The following SFMBT2 variants were observed in gnomAD, a reference collection of about 807,000 sequenced individuals.
SFMBT2 encodes Scm like with four mbt domains 2, also known as scm-like with four MBT domains protein 2.
Under a neutral mutation model 110.1 loss-of-function variants are expected in SFMBT2, and 38 were observed. The ratio of observed to expected loss-of-function variants is 0.35; its 90% CI spans 0.27 to 0.45. The LOEUF is 0.45. Ranked by LOEUF, SFMBT2 falls within the 20% of genes least tolerant of loss-of-function variation. SFMBT2 has a pLI of 1.00. For missense variants in SFMBT2, 1,011 were observed against 1,094.9 expected (o/e 0.92, Z 1.08); for synonymous variants, 425 against 425.4 (o/e 1.00, Z 0.01).
rs139234811 is a variant in SFMBT2 at position 7,335,270 on chromosome 10, A to C, written c.436+32379T>G. On this transcript the variant is annotated intron_variant, in intron 4 of 20. Transcript: ENST00000397167. The stretch of plus-strand genomic sequence containing the variant: ...TAATGCCACCAAACTGTACAGTTAA[A>C]ACTGGTCCACATTGCAAATTGTATG... Among the ~76,000 whole-genome samples the C allele has an allele frequency of 3.5e-3, 537 of 152,332 alleles. 5 individuals are homozygous for C. The highest frequency in any genetic ancestry group is 0.012 in the African/African-American group (516 of 41,574).
rs1279466659 is a variant in SFMBT2, at chr10:7,161,171, C to T, written c.*2599G>A. The T allele has an allele frequency of 6.6e-6, 1 of 152,244 alleles. No individual in the cohort carries two copies. Among genetic ancestry groups the T allele is most frequent in the Non-Finnish European group, 1.5e-5 (1 of 68,066 alleles). The allele number at this position is 152,244 out of a possible 1,614,324, so 9.4% of individuals were successfully genotyped here. On this transcript the variant is annotated 3_prime_UTR_variant, in exon 21 of 21. Coordinates refer to ENST00000397167, the MANE Select transcript of SFMBT2 (RefSeq NM_001387889.1). Reference sequence around the variant, plus strand: ...CCCTGCGACAGTGGCTGTATCCTTCCTGAGCTCCTGGCGGGCCACACACTC... The same window carrying T: ...CCCTGCGACAGTGGCTGTATCCTTCTTGAGCTCCTGGCGGGCCACACACTC...
At chr10:7,363,497 C>G (rs1013302971) in intron 4 of SFMBT2, among the ~76,000 whole-genome samples, 1 of 152,012 alleles carries the variant, frequency 6.6e-6, no homozygotes, top group Admixed American at 6.6e-5. Context: ...TACAGGCATG[C>G]GCCACCACGC....
intron 15 of SFMBT2, among the ~76,000 whole-genome samples, chr10:7,195,585 C>A (rs1367976474): frequency 1.3e-5 from 2 of 152,198 alleles, no homozygotes; most frequent in African/African-American, 2.4e-5. Context: ...AACAAGGGCC[C>A]TTTCTGGGTC....
At chr10:7,290,473 TAC>T (rs1323133244) in intron 4 of SFMBT2, among the ~76,000 whole-genome samples, 1 of 152,118 alleles carries the variant, frequency 6.6e-6, no homozygotes, top group Non-Finnish European at 1.5e-5. Context: ...GAGTTTGAGT[TAC>T]ACACACATAT....
At chr10:7,307,915 A>G (rs1391467390) in intron 4 of SFMBT2, among the ~76,000 whole-genome samples, 5 of 152,274 alleles carry the variant, frequency 3.3e-5, no homozygotes, top group Admixed American at 2.0e-4. Context: ...CTGCTATAAT[A>G]TCACATATCT....
intron 1 of SFMBT2, among the ~76,000 whole-genome samples, chr10:7,410,328 C>G (rs896226357): frequency 6.6e-6 from 1 of 152,272 alleles, no homozygotes; most frequent in Non-Finnish European, 1.5e-5. Context: ...GTCTCCGATT[C>G]CCCGTCCTCA....
chr10:7,171,068 G>A lies in SFMBT2; in HGVS notation c.2416-12C>T, dbSNP rs760958777. 10 of 1,613,970 alleles carry A rather than the reference G, an allele frequency of 6.2e-6. No homozygotes were observed. In the Admixed American group the frequency reaches 6.7e-5, roughly 11 times the overall value. On this transcript the variant is annotated splice_polypyrimidine_tract_variant and intron_variant, in intron 19 of 20. Transcript: ENST00000397167. This position sits in a 1 kb window ranked among gnomAD's most constrained non-coding sequence, Gnocchi z 4.9. ...TCCTGTTTCGTGTCCTGCAGAGAAAGGGCAGGAGGAGCTCAGCTGCGGCAC... is the reference window on the plus strand; with the variant it reads ...TCCTGTTTCGTGTCCTGCAGAGAAAAGGCAGGAGGAGCTCAGCTGCGGCAC...
At chr10:7,331,426 T>C (rs1324661783) in intron 4 of SFMBT2, among the ~76,000 whole-genome samples, 1 of 152,210 alleles carries the variant, frequency 6.6e-6, no homozygotes, top group Admixed American at 6.5e-5. Flanking sequence ...TGCTCTTGAA[T>C]CTAATGGTCT....
intron 4 of SFMBT2, among the ~76,000 whole-genome samples, chr10:7,296,490 G>T (rs1273857478): frequency 5.3e-5 from 8 of 152,306 alleles, no homozygotes; most frequent in Middle Eastern, 3.4e-3. Context: ...GCTTCTTCCT[G>T]TAAAGTTACT....
At chr10:7,390,691 G>A (rs60569281) in intron 1 of SFMBT2, among the ~76,000 whole-genome samples, 3 of 152,144 alleles carry the variant, frequency 2.0e-5, no homozygotes, top group African/African-American at 7.2e-5. Context: ...CTTATTAAAA[G>A]GGGAAAAGTT....
At chr10:7,244,239 A>G (rs1448595049) in intron 8 of SFMBT2, 2 of 243,570 alleles carry the variant, frequency 8.2e-6, no homozygotes, top group Non-Finnish European at 1.3e-5. Flanking sequence ...GACTACAACA[A>G]CCCCCAATGC....
intron 4 of SFMBT2, among the ~76,000 whole-genome samples, chr10:7,342,471 C>G (rs1348725120): frequency 3.9e-5 from 5 of 128,314 alleles, no homozygotes; most frequent in South Asian, 2.5e-4. Flanking sequence ...TGCAGTGGTG[C>G]AATCTCGGCT....
rs185703856 is a variant in SFMBT2 at position 7,310,670 on chromosome 10, G to C, written c.437-24716C>G. On this transcript the variant is annotated intron_variant, in intron 4 of 20. Coordinates refer to ENST00000397167, the MANE Select transcript of SFMBT2 (RefSeq NM_001387889.1). ...AATTTTCTTTTGCTAAGGCTCATAT[G>C]AAGTTGCTGTGCATTTTCTGACTAC... Among the ~76,000 whole-genome samples the C allele has an allele frequency of 1.4e-4, 22 of 152,300 alleles. No individual in the cohort carries two copies. The East Asian group carries it at 4.2e-3, about 29-fold the overall frequency.
At chr10:7,258,559 C>G (rs1183800726) in intron 7 of SFMBT2, among the ~76,000 whole-genome samples, 1 of 152,174 alleles carries the variant, frequency 6.6e-6, no homozygotes, top group Non-Finnish European at 1.5e-5. Context: ...TGCATAATTT[C>G]TAAGACTAGG....
chr10:7,208,584 G>A (rs1211061526), intron 11 of SFMBT2, among the ~76,000 whole-genome samples: 1 of 151,910 alleles, frequency 6.6e-6, no homozygotes, highest in African/African-American at 2.4e-5. Flanking sequence ...TACTTGGGAG[G>A]CTGAGGCAGG....
At chr10:7,205,717 G>A in intron 12 of SFMBT2, 98 bp downstream of exon 12, 1 of 1,462,806 alleles carries the variant, frequency 6.8e-7, no homozygotes, top group Non-Finnish European at 9.1e-7. Flanking sequence ...AATCTTATTT[G>A]TTCTTTAGAA....
At chr10:7,253,842 A>AAT (rs1283935634) in intron 7 of SFMBT2, among the ~76,000 whole-genome samples, 1 of 151,796 alleles carries the variant, frequency 6.6e-6, no homozygotes, top group East Asian at 1.9e-4. Context: ...AAAAAAAAAA[A>AAT]ATCCCTCTAT....
chr10:7,183,924 G>C (rs2762611), intron 16 of SFMBT2, among the ~76,000 whole-genome samples: 139,632 of 152,204 alleles, frequency 0.92, 65,090 homozygotes, highest in East Asian at 1. Context: ...TCGGTATGAG[G>C]GTTACACATG....
At chr10:7,308,530 C>T (rs1302716396) in intron 4 of SFMBT2, among the ~76,000 whole-genome samples, 1 of 151,936 alleles carries the variant, frequency 6.6e-6, no homozygotes, top group African/African-American at 2.4e-5. Flanking sequence ...ATTAATGGGG[C>T]CAAGGACAAA....
Sources: allele counts gnomAD v4.1 joint callset (sites outside exome capture counted in the v4.1 genomes callset), GRCh38; gene constraint gnomAD v4.1.1; non-coding constraint Gnocchi (gnomAD v3.1); transcripts MANE v1.5; gene names NCBI Gene and HGNC (gene_info 2026-07-23, HGNC 2026-07-21).